ZNF385D: variants seen among roughly 807,000 people sequenced by gnomAD.
ZNF385D encodes zinc finger protein 659.
ZNF385D carries 15 observed loss-of-function variants against 35.8 expected under a neutral mutation model. The ratio of observed to expected loss-of-function variants is 0.42; its 90% CI spans 0.28 to 0.64. The LOEUF (loss-of-function observed/expected upper bound fraction) is 0.64, where lower values mean the gene tolerates loss of function less well. ZNF385D is among the 30% of genes least tolerant of loss of function. The pLI, the probability that ZNF385D is intolerant of heterozygous loss-of-function variation, is 0.23. For missense variants in ZNF385D, 474 were observed against 494.6 expected, an observed-to-expected ratio of 0.96 and a Z score of 0.39; for synonymous variants, 212 against 186.8, an observed-to-expected ratio of 1.13 and a Z score of -1.10.
chr3:21,991,854 T>C (rs543266279), intron 3 of ZNF385D, among the ~76,000 whole-genome samples: 8 of 152,322 alleles, frequency 5.3e-5, no homozygotes, highest in African/African-American at 1.4e-4. Context: ...ATTTCAGTGA[T>C]ATATGAGTGA....
chr3:21,771,257 G>C (rs1203653362), intron 3 of ZNF385D, among the ~76,000 whole-genome samples: 2 of 151,134 alleles, frequency 1.3e-5, no homozygotes, highest in Admixed American at 6.6e-5. Context: ...AAAAAAACCT[G>C]AGGAAGCCTT....
chr3:22,082,229 G>A (rs1166598243), intron 3 of ZNF385D, among the ~76,000 whole-genome samples: 2 of 152,104 alleles, frequency 1.3e-5, no homozygotes, highest in African/African-American at 2.4e-5. Flanking sequence ...CACGGAGGGT[G>A]AGCTGAAGCA....
chr3:21,559,301 A>G (rs2125629086), intron 3 of ZNF385D, among the ~76,000 whole-genome samples: 1 of 152,282 alleles, frequency 6.6e-6, no homozygotes, highest in East Asian at 1.9e-4. Flanking sequence ...AGTGGCTGGT[A>G]CCGGTTTTAC....
At chr3:21,997,726 C>G (rs1246846396) in intron 3 of ZNF385D, among the ~76,000 whole-genome samples, 2 of 152,162 alleles carry the variant, frequency 1.3e-5, no homozygotes, top group Non-Finnish European at 2.9e-5. Flanking sequence ...GACCATTTAA[C>G]TTGTTCTACT....
chr3:21,846,919 GT>G (rs1318981769), intron 3 of ZNF385D, among the ~76,000 whole-genome samples: 2 of 152,014 alleles, frequency 1.3e-5, no homozygotes, highest in Non-Finnish European at 2.9e-5. Flanking sequence ...CCTATTAGTG[GT>G]TTGCCTGATT....
At chr3:22,070,831 G>A (rs1322321824) in intron 3 of ZNF385D, among the ~76,000 whole-genome samples, 1 of 152,104 alleles carries the variant, frequency 6.6e-6, no homozygotes, top group African/African-American at 2.4e-5. Flanking sequence ...TTTATAAACA[G>A]CTTACAATTT....
chr3:22,259,963 A>C (rs1052912550), intron 2 of ZNF385D, among the ~76,000 whole-genome samples: 1 of 152,028 alleles, frequency 6.6e-6, no homozygotes, highest in Non-Finnish European at 1.5e-5. Context: ...ATAAAAGAGA[A>C]AAGGATTGTT....
intron 3 of ZNF385D, among the ~76,000 whole-genome samples, chr3:21,793,886 C>T (rs920303605): frequency 6.6e-6 from 1 of 151,544 alleles, no homozygotes; most frequent in Non-Finnish European, 1.5e-5. Flanking sequence ...ATTTCTAGAC[C>T]TTCTCTTCTT....
At chr3:21,701,285 T>C (rs1161537877) in intron 1 of ZNF385D, among the ~76,000 whole-genome samples, 1 of 108,592 alleles carries the variant, frequency 9.2e-6, no homozygotes, top group African/African-American at 3.7e-5. Context: ...ACTTCTTACA[T>C]GTTGGTGGCA....
At chr3:21,584,006 G>A (rs1452814582) in intron 2 of ZNF385D, among the ~76,000 whole-genome samples, 2 of 125,756 alleles carry the variant, frequency 1.6e-5, no homozygotes, top group Admixed American at 8.4e-5. Context: ...ACAGAGTTTT[G>A]CCTGTCGCCC....
intron 1 of ZNF385D, among the ~76,000 whole-genome samples, chr3:21,672,386 C>A (rs1048320483): frequency 9.2e-5 from 14 of 152,054 alleles, no homozygotes; most frequent in Admixed American, 9.2e-4. Flanking sequence ...CTGGCCTTAG[C>A]AGGTCAACTC....
chr3:22,296,791 G>A (rs1702607726), intron 2 of ZNF385D, among the ~76,000 whole-genome samples: 1 of 152,122 alleles, frequency 6.6e-6, no homozygotes, highest in South Asian at 2.1e-4. Flanking sequence ...TGTCTGTCTT[G>A]AGCATGGTGG....
chr3:22,046,907 T>C (rs1466661467), intron 3 of ZNF385D, among the ~76,000 whole-genome samples: 1 of 152,160 alleles, frequency 6.6e-6, no homozygotes, highest in Non-Finnish European at 1.5e-5. Context: ...AAACACTTTA[T>C]ACTATACTAT....
intron 2 of ZNF385D, among the ~76,000 whole-genome samples, chr3:22,305,001 T>C (rs746746667): frequency 3.9e-5 from 6 of 152,130 alleles, no homozygotes; most frequent in African/African-American, 9.6e-5. Context: ...CTTTTTATTA[T>C]ATCCAATAAA....
At chr3:21,783,596 T>C (rs1370862429) in intron 3 of ZNF385D, among the ~76,000 whole-genome samples, 1 of 152,062 alleles carries the variant, frequency 6.6e-6, no homozygotes, top group African/African-American at 2.4e-5. Context: ...ACTGAGCCCT[T>C]AAGAGAGCCC....
rs1698654306 is a variant in ZNF385D, at chr3:22,041,386, G to C, written c.325+127431C>G. Among the ~76,000 whole-genome samples the C allele has an allele frequency of 1.3e-5, 2 of 152,106 alleles. 1 individual carries two copies. The highest frequency in any genetic ancestry group is 4.8e-5 in the African/African-American group (2 of 41,416). ...ACACAACCACAGGAATTGCAAGTTG[G>C]AGAACTGGGGTAATACAAAGAAAAT... On this transcript the variant is annotated intron_variant, in intron 3 of 5. Transcript: ENST00000494108.
intron 2 of ZNF385D, among the ~76,000 whole-genome samples, chr3:22,212,691 G>A (rs568006090): frequency 6.6e-6 from 1 of 152,036 alleles, no homozygotes. Flanking sequence ...GCAAATAAAA[G>A]CTCATCTTAG....
At chr3:21,774,205 G>A (rs141701359) in intron 3 of ZNF385D, among the ~76,000 whole-genome samples, 73 of 151,988 alleles carry the variant, frequency 4.8e-4, no homozygotes, top group African/African-American at 1.6e-3. Context: ...ACTTATAAGT[G>A]GGAGCTGAAT....
intron 2 of ZNF385D, among the ~76,000 whole-genome samples, chr3:22,358,032 T>G (rs555158476): frequency 6.6e-6 from 1 of 151,894 alleles, no homozygotes; most frequent in African/African-American, 2.4e-5. Flanking sequence ...TTGAATTATA[T>G]CCATATTTCC....
Sources: allele counts gnomAD v4.1 joint callset (sites outside exome capture counted in the v4.1 genomes callset), GRCh38; gene constraint gnomAD v4.1.1; transcripts MANE v1.5; gene names NCBI Gene and HGNC (gene_info 2026-07-23, HGNC 2026-07-21).